Variants in KCNT1 observed in about 807,000 individuals in gnomAD.
The protein encoded by KCNT1 is potassium channel subfamily T member 1.
KCNT1 carries 78 observed loss-of-function variants against 147.8 expected under a neutral mutation model. The ratio of observed to expected loss-of-function variants is 0.53; its 90% CI spans 0.44 to 0.64. The LOEUF (loss-of-function observed/expected upper bound fraction) is 0.64, where lower values mean the gene tolerates loss of function less well. KCNT1 is among the 30% of genes least tolerant of loss of function. The pLI is 0.00. For missense variants in KCNT1, 1,419 were observed against 1,750.3 expected (o/e 0.81, Z 3.38); for synonymous variants, 867 against 748.8 (o/e 1.16, Z -2.58).
intron 2 of KCNT1, among the ~76,000 whole-genome samples, chr9:135,744,966 C>T (rs1044402625): frequency 2.0e-5 from 3 of 152,196 alleles, no homozygotes; most frequent in Non-Finnish European, 2.9e-5. Context: ...AGAGGTGAGA[C>T]GGGCCCGGCC....
At chr9:135,763,208 G>A (rs1019420019) in intron 11 of KCNT1, among the ~76,000 whole-genome samples, 2 of 146,542 alleles carry the variant, frequency 1.4e-5, no homozygotes, top group African/African-American at 2.5e-5. Context: ...TGATGCCGCT[G>A]ACCCCACCGT....
At chr9:135,746,911 G>A (rs763291616) in intron 2 of KCNT1, among the ~76,000 whole-genome samples, 9 of 152,166 alleles carry the variant, frequency 5.9e-5, no homozygotes, top group Non-Finnish European at 1.0e-4. Context: ...TCTGGTCTAG[G>A]GGAGGGGAGG....
chr9:135,704,691 C>A (rs566222974), intron 1 of KCNT1, among the ~76,000 whole-genome samples: 1 of 152,240 alleles, frequency 6.6e-6, no homozygotes, highest in African/African-American at 2.4e-5. Context: ...TGCTCCAGGG[C>A]GGGCCTGGGA....
At chr9:135,777,617 A>C (rs1322961986) in intron 21 of KCNT1, 107 bp downstream of exon 21, 5 of 1,049,126 alleles carry the variant, frequency 4.8e-6, no homozygotes, top group Non-Finnish European at 6.9e-6. Flanking sequence ...GGGCACGGGA[A>C]CATGGGGCCT....
intron 29 of KCNT1, chr9:135,790,184 A>AT (rs1265132929): frequency 6.6e-6 from 1 of 152,272 alleles, no homozygotes; most frequent in Non-Finnish European, 1.5e-5. Context: ...TGCTCGTCAC[A>AT]AAGCCAGTCA....
intron 13 of KCNT1, chr9:135,766,607 A>C (rs999282474): frequency 6.6e-6 from 1 of 152,644 alleles, no homozygotes; most frequent in Non-Finnish European, 1.5e-5. Flanking sequence ...GGGGTGGATC[A>C]TCCAGGGTGG....
chr9:135,786,479 A>G lies in KCNT1; in HGVS notation c.3460A>G (p.Lys1154Glu), dbSNP rs750176430. The G allele has an allele frequency of 6.2e-7, 1 of 1,603,916 alleles. No homozygotes were observed. The stretch of plus-strand genomic sequence containing the variant: ...GCGCCAGGAGCTCTCCGAGCTGGTG[A>G]AGAACCGCATGAAGCACCTGGGGCT... ...SERQELSELV[K>E]NRMKHLGLPT... is the part of the protein sequence containing the mutation. Residue 1154 changes from lysine to glutamate, a missense_variant, in exon 29 of 31, where the codon AAG (lysine) becomes GAG (glutamate). Physicochemically the swap from Lys to Glu is moderately conservative, Grantham distance 56 (BLOSUM62 1). Transcript: ENST00000371757.
intron 19 of KCNT1, among the ~76,000 whole-genome samples, chr9:135,774,378 T>C (rs1223137274): frequency 2.1e-5 from 3 of 144,512 alleles, no homozygotes; most frequent in Admixed American, 1.4e-4. Flanking sequence ...GTGTGTGGTG[T>C]GTGTTGCGTA....
rs77600390 is a variant in KCNT1 at position 135,721,123 on chromosome 9, C to T, written c.254+6403C>T. Among the ~76,000 whole-genome samples, 1,202 of 152,238 alleles carry T rather than the reference C, an allele frequency of 7.9e-3. 11 individuals are homozygous for T. Among genetic ancestry groups the T allele is most frequent in the Non-Finnish European group, 0.012 (809 of 67,972 alleles). On this transcript the variant is annotated intron_variant, in intron 2 of 30. Transcript: ENST00000371757. ...TGGAGCTGAGTTTGGGAAGGGTGGCCCCTGGACTGGGGGACCCCCAGAAGG... is the reference window on the plus strand; with the variant it reads ...TGGAGCTGAGTTTGGGAAGGGTGGCTCCTGGACTGGGGGACCCCCAGAAGG...
At chr9:135,753,193 C>T (rs1831290602) in intron 4 of KCNT1, among the ~76,000 whole-genome samples, 1 of 151,754 alleles carries the variant, frequency 6.6e-6, no homozygotes, top group Non-Finnish European at 1.5e-5. Flanking sequence ...GATGGATGTC[C>T]AGATACTTCT....
chr9:135,752,339 C>T lies in KCNT1; in HGVS notation c.434+1298C>T, dbSNP rs752292552. The T allele has an allele frequency of 1.8e-5, 8 of 456,292 alleles. No homozygotes were observed. The highest frequency in any genetic ancestry group is 1.2e-4 in the South Asian group (8 of 64,556). 28.3% of individuals were successfully genotyped at this position (456,292 alleles called of 1,614,324 possible). A position where few individuals can be genotyped will look rare whatever the true frequency, so the allele number is the denominator to read the frequency against. On this transcript the variant is annotated intron_variant, in intron 4 of 30. Transcript: ENST00000371757. This position sits in a 1 kb window ranked among gnomAD's most constrained non-coding sequence, Gnocchi z 5.1. Reference sequence around the variant, plus strand: ...GGGCCTGGCATCCCCAGGCCAGAGACTTTCCCTCTCCTAAGAATGAACCTC... The same window carrying T: ...GGGCCTGGCATCCCCAGGCCAGAGATTTTCCCTCTCCTAAGAATGAACCTC...
Position 135,722,715 on chromosome 9 carries a change from G to A in KCNT1, c.254+7995G>A, listed in dbSNP as rs114667292. Among the ~76,000 whole-genome samples, 740 of 152,310 alleles carry A rather than the reference G, an allele frequency of 4.9e-3. 3 individuals carry two copies. Among genetic ancestry groups the A allele is most frequent in the African/African-American group, 0.014 (592 of 41,564 alleles). The stretch of plus-strand genomic sequence containing the variant: ...AGCATCTCTCAGGCTTGCACGTGGC[G>A]TCTTCTCACTGCGCCCACGGGGCAG... On this transcript the variant is annotated intron_variant, in intron 2 of 30. Transcript: ENST00000371757.
At chr9:135,736,984 C>G (rs969614314) in intron 2 of KCNT1, 8 of 292,226 alleles carry the variant, frequency 2.7e-5, no homozygotes, top group Non-Finnish European at 5.1e-5. Flanking sequence ...CCCCCCACTC[C>G]CCCCACGTAG....
chr9:135,750,396 A>G (rs1473237686), intron 3 of KCNT1, among the ~76,000 whole-genome samples: 1 of 152,016 alleles, frequency 6.6e-6, no homozygotes, highest in Admixed American at 6.6e-5. Flanking sequence ...ACTGTCTGAG[A>G]CCAGGGCCTC....
chr9:135,754,918 C>T (rs1454531020), intron 5 of KCNT1, among the ~76,000 whole-genome samples: 2 of 152,208 alleles, frequency 1.3e-5, no homozygotes, highest in African/African-American at 4.8e-5. Flanking sequence ...CAGTCCTGCT[C>T]CATCCTCCTC....
In KCNT1 at chr9:135,780,231, G is replaced by A. The variant is rs570490829; in HGVS notation, c.2841+761G>A. On this transcript the variant is annotated intron_variant, in intron 24 of 30. Transcript: ENST00000371757. ...CCAGGCAGCCCTAGGCTGAGAGCAGGGAGCAGGCACCTTGGTCAGCAGCAA... is the reference window on the plus strand; with the variant it reads ...CCAGGCAGCCCTAGGCTGAGAGCAGAGAGCAGGCACCTTGGTCAGCAGCAA... Among the ~76,000 whole-genome samples, 3 of 150,596 alleles carry A rather than the reference G, an allele frequency of 2.0e-5. No homozygotes were observed. The South Asian group carries it at 6.2e-4, about 31-fold the overall frequency.
chr9:135,778,599 G>A (rs1833353648), intron 22 of KCNT1, 89 bp from the exon 23 acceptor site: 1 of 1,602,546 alleles, frequency 6.2e-7, no homozygotes, highest in Non-Finnish European at 8.5e-7. Context: ...GGGGGGCTGA[G>A]GTCCTCCTGC....
At position 135,768,666 on chromosome 9, in the gene KCNT1, C is replaced by T. The variant is rs539139475; in HGVS notation, c.1394C>T (p.Thr465Met). Residue 465 changes from threonine (T) to methionine (M), a missense_variant, in exon 14 of 31, where the codon ACG becomes ATG. Thr to Met is a moderately conservative substitution (Grantham distance 81). Coordinates refer to ENST00000371757, the MANE Select transcript of KCNT1 (RefSeq NM_020822.3). Reference protein sequence around the residue: ...ILSSRNEVDRTAADHQTILRA... With the variant: ...ILSSRNEVDRMAADHQTILRA... Reference sequence around the variant, plus strand: ...AGCAGCAGGAACGAGGTGGACCGCACGGCTGCAGTGAGTGAGGCTGAGGCC... The same window carrying T: ...AGCAGCAGGAACGAGGTGGACCGCATGGCTGCAGTGAGTGAGGCTGAGGCC... 327 of 1,550,040 alleles carry T rather than the reference C, an allele frequency of 2.1e-4. No individual in the cohort carries two copies. Among genetic ancestry groups the T allele is most frequent in the Non-Finnish European group, 2.7e-4 (310 of 1,146,674 alleles).
At chr9:135,751,370 G>A (rs939979201) in intron 4 of KCNT1, among the ~76,000 whole-genome samples, 1 of 151,984 alleles carries the variant, frequency 6.6e-6, no homozygotes, top group Non-Finnish European at 1.5e-5. Flanking sequence ...GTGCTCACTT[G>A]AGCTTCTGCA....
Sources: gnomAD v4.1 joint callset for allele counts (sites outside exome capture counted in the v4.1 genomes callset) on GRCh38, gnomAD v4.1.1 for gene constraint, Gnocchi (gnomAD v3.1) non-coding constraint, MANE v1.5 for transcripts, NCBI Gene and HGNC (gene_info 2026-07-23, HGNC 2026-07-21) for gene names.